The following DDC variants were observed in gnomAD, a reference collection of about 807,000 sequenced individuals.
DDC encodes dopa decarboxylase, also known as aromatic-L-amino-acid decarboxylase.
DDC carries 43 observed loss-of-function variants against 60.0 expected under a neutral mutation model. That is an observed-to-expected ratio of 0.72 (90% CI 0.56 to 0.92). DDC has a LOEUF of 0.92. Among genes scored for constraint, DDC ranks in the 40% least tolerant of loss-of-function variants. DDC has a pLI of 0.00. For synonymous variants in DDC, 232 were observed against 234.6 expected (o/e 0.99, Z 0.10); for missense variants, 573 against 620.2 (o/e 0.92, Z 0.81).
At chr7:50,538,615 T>G (rs1301549211) in intron 3 of DDC, among the ~76,000 whole-genome samples, 1 of 152,242 alleles carries the variant, frequency 6.6e-6, no homozygotes, top group Non-Finnish European at 1.5e-5. Context: ...TACCTGAGCC[T>G]GGCCAAGCCC....
At chr7:50,517,265 T>C (rs1208226826) in intron 6 of DDC, among the ~76,000 whole-genome samples, 1 of 152,138 alleles carries the variant, frequency 6.6e-6, no homozygotes, top group Non-Finnish European at 1.5e-5. Context: ...GATGGTTTAA[T>C]GTATACAAGT....
chr7:50,502,774 T>C (rs2043291471), intron 7 of DDC, among the ~76,000 whole-genome samples: 2 of 152,260 alleles, frequency 1.3e-5, no homozygotes, highest in African/African-American at 4.8e-5. Context: ...ACCTTTGGGA[T>C]GGTGCATTTT....
rs1353941471 is a variant in DDC at position 50,495,378 on chromosome 7, A to G, written c.916T>C (p.Leu306=). ...ATGGCAGAACAGTCAAAATTCACCA[A>G]TAGCCATTTGTGGGGATTAAAGTTG... ...SFNFNPHKWL[L]VNFDCSAMWV... The change falls in exon 9 of 15, where the codon TTG becomes CTG. Residue 306 remains leucine, a synonymous_variant. Transcript: ENST00000444124. 3.1e-6 allele frequency: 5 copies of G among 1,613,248 alleles called. No individual in the cohort carries two copies. Among genetic ancestry groups the G allele is most frequent in the South Asian group, 1.1e-5 (1 of 91,048 alleles).
At chr7:50,476,738 G>T in intron 10 of DDC, 95 bp from the exon 11 acceptor site, 1 of 1,210,516 alleles carries the variant, frequency 8.3e-7, no homozygotes, top group Non-Finnish European at 1.2e-6. Context: ...AATTTCTTGT[G>T]TCTTCTAAGC....
In DDC at chr7:50,521,197, C is replaced by T. The variant is rs200181406; in HGVS notation, c.714+6940G>A. Among the ~76,000 whole-genome samples, 14 of 152,016 alleles carry T rather than the reference C, an allele frequency of 9.2e-5. No homozygotes were observed. The East Asian group carries it at 2.5e-3, about 27-fold the overall frequency. The stretch of plus-strand genomic sequence containing the variant: ...GATTCCAAGGCCACAAATTCAAAAA[C>T]CTAAATAAAATAGACCAACTTTTTG... On this transcript the variant is annotated intron_variant, in intron 6 of 14. Coordinates refer to ENST00000444124, the MANE Select transcript of DDC (RefSeq NM_001082971.2).
chr7:50,509,950 T>C (rs1563014454), intron 6 of DDC, among the ~76,000 whole-genome samples: 1 of 152,020 alleles, frequency 6.6e-6, no homozygotes, highest in Non-Finnish European at 1.5e-5. Flanking sequence ...CATTTACTTA[T>C]CTTACTTATA....
At chr7:50,464,373 C>T (rs1239010363) in intron 13 of DDC, among the ~76,000 whole-genome samples, 2 of 152,078 alleles carry the variant, frequency 1.3e-5, no homozygotes, top group Non-Finnish European at 2.9e-5. Flanking sequence ...CCTGAGTGCC[C>T]TGCTCCTGTT....
chr7:50,548,927 C>G (rs757565577), intron 1 of DDC, among the ~76,000 whole-genome samples: 2 of 152,168 alleles, frequency 1.3e-5, no homozygotes, highest in Non-Finnish European at 2.9e-5. Context: ...GCAGCCTATG[C>G]TTACTTATTA....
intron 4 of DDC, among the ~76,000 whole-genome samples, chr7:50,536,225 C>T (rs1235649035): frequency 6.6e-6 from 1 of 152,118 alleles, no homozygotes; most frequent in African/African-American, 2.4e-5. Context: ...AGAATGCAAC[C>T]AATTGTCTCT....
Position 50,529,285 on chromosome 7 carries a change from G to A in DDC, c.493C>T (p.His165Tyr), listed in dbSNP as rs1316146769. The change falls in exon 5 of 15, where the codon CAT (histidine) becomes TAT (tyrosine). Residue 165 changes from histidine to tyrosine, a missense_variant. Physicochemically the swap from His to Tyr is moderately conservative, Grantham distance 83 (BLOSUM62 2). Coordinates refer to ENST00000444124, the MANE Select transcript of DDC (RefSeq NM_001082971.2). Reference protein sequence around the residue: ...ALLAARTKVIHRLQAASPELT... With the variant: ...ALLAARTKVIYRLQAASPELT... ...TCTGGGGACGCTGCCTGCAGCCGAT[G>A]GATCACTTTGGTCCGAGCGGCCAGC... 3 of 1,614,050 alleles carry A rather than the reference G, an allele frequency of 1.9e-6. No homozygotes were observed. The highest frequency in any genetic ancestry group is 1.7e-5 in the Admixed American group (1 of 60,008).
At chr7:50,466,991 G>A (rs539532205) in intron 13 of DDC, among the ~76,000 whole-genome samples, 1 of 152,374 alleles carries the variant, frequency 6.6e-6, no homozygotes, top group South Asian at 2.1e-4. Context: ...AGCTATGTAA[G>A]TTAGAAGTCT....
chr7:50,523,321 C>A (rs1428156238), intron 6 of DDC, among the ~76,000 whole-genome samples: 2 of 152,126 alleles, frequency 1.3e-5, no homozygotes, highest in Non-Finnish European at 2.9e-5. Flanking sequence ...AATTGATAAT[C>A]TGGACTTCAT....
intron 4 of DDC, among the ~76,000 whole-genome samples, chr7:50,530,272 A>C (rs1169346909): frequency 6.6e-6 from 1 of 151,974 alleles, no homozygotes; most frequent in Non-Finnish European, 1.5e-5. Flanking sequence ...TAAATAAATA[A>C]AAAGAAGGGG....
At chr7:50,489,092 T>C (rs2042945888) in intron 9 of DDC, among the ~76,000 whole-genome samples, 1 of 152,188 alleles carries the variant, frequency 6.6e-6, no homozygotes. Flanking sequence ...CTGCAGCCTC[T>C]GCCTCCCAGG....
intron 6 of DDC, among the ~76,000 whole-genome samples, chr7:50,523,948 G>A (rs1328750707): frequency 1.3e-5 from 2 of 152,166 alleles, no homozygotes; most frequent in African/African-American, 4.8e-5. Flanking sequence ...ATGCATAAAT[G>A]AATTGTGGCG....
At chr7:50,460,683 CTT>C (rs1478453719) in intron 14 of DDC, among the ~76,000 whole-genome samples, 4 of 151,514 alleles carry the variant, frequency 2.6e-5, no homozygotes, top group African/African-American at 9.8e-5. Flanking sequence ...ACACAGGAGA[CTT>C]TTCATTTTGT....
At chr7:50,547,668 A>C (rs2044851406) in intron 1 of DDC, among the ~76,000 whole-genome samples, 1 of 151,866 alleles carries the variant, frequency 6.6e-6, no homozygotes, top group Admixed American at 6.6e-5. Context: ...AGTGGCCAAC[A>C]CTCCGAGACC....
intron 1 of DDC, among the ~76,000 whole-genome samples, chr7:50,556,922 G>A (rs1450361982): frequency 6.6e-6 from 1 of 152,194 alleles, no homozygotes; most frequent in African/African-American, 2.4e-5. Flanking sequence ...TAGCTCTGCG[G>A]CAAGAGGCAT....
At chr7:50,558,426 G>A (rs2045252766) in intron 1 of DDC, among the ~76,000 whole-genome samples, 1 of 152,186 alleles carries the variant, frequency 6.6e-6, no homozygotes, top group Non-Finnish European at 1.5e-5. Flanking sequence ...TTGAACAGCT[G>A]CTGGCCTGGG....
Sources: gnomAD v4.1 joint callset for allele counts (sites outside exome capture counted in the v4.1 genomes callset) on GRCh38, gnomAD v4.1.1 for gene constraint, MANE v1.5 for transcripts, NCBI Gene and HGNC (gene_info 2026-07-23, HGNC 2026-07-21) for gene names.